Variants in RBM20 observed in about 807,000 individuals in gnomAD.
The protein encoded by RBM20 is RNA binding motif protein 20, also known as RNA-binding protein 20.
Under a neutral mutation model 110.1 loss-of-function variants are expected in RBM20, and 51 were observed. The ratio of observed to expected loss-of-function variants is 0.46; its 90% CI spans 0.37 to 0.59. The LOEUF is 0.59. Ranked by LOEUF, RBM20 falls within the 20% of genes least tolerant of loss-of-function variation. RBM20 has a pLI of 0.00. For missense variants in RBM20, 1,512 were observed against 1,574.9 expected (o/e 0.96, Z 0.68); for synonymous variants, 589 against 618.2 (o/e 0.95, Z 0.70).
chr10:110,800,245 A>G (rs1844605204), intron 7 of RBM20, among the ~76,000 whole-genome samples: 1 of 152,172 alleles, frequency 6.6e-6, no homozygotes, highest in African/African-American at 2.4e-5. Context: ...CTTGAATACA[A>G]CCTTCTCTCC....
At chr10:110,783,859 C>T (rs1234515149) in intron 3 of RBM20, among the ~76,000 whole-genome samples, 2 of 152,356 alleles carry the variant, frequency 1.3e-5, no homozygotes, top group Non-Finnish European at 2.9e-5. Flanking sequence ...ATTTTCATTA[C>T]TCCAAAAGGA....
At chr10:110,688,474 C>T (rs1862538267) in intron 1 of RBM20, among the ~76,000 whole-genome samples, 1 of 152,158 alleles carries the variant, frequency 6.6e-6, no homozygotes, top group Non-Finnish European at 1.5e-5. Context: ...ATTTCGGATT[C>T]ATACCACAAC....
chr10:110,657,610 G>T (rs1486644017), intron 1 of RBM20, among the ~76,000 whole-genome samples: 1 of 152,152 alleles, frequency 6.6e-6, no homozygotes, highest in Admixed American at 6.5e-5. Context: ...GGTTTGCTTA[G>T]CATAATGATT....
rs397516625 is a variant in RBM20 at position 110,781,534 on chromosome 10, G to A, written c.925G>A (p.Gly309Arg). The change falls in exon 2 of 14, where the codon GGG (glycine) becomes AGG (arginine). Residue 309 changes from glycine to arginine, a missense_variant. Physicochemically the swap from Gly to Arg is moderately radical, Grantham distance 125 (BLOSUM62 -2). Coordinates refer to ENST00000369519, the MANE Select transcript of RBM20 (RefSeq NM_001134363.3). ...GGCTGGGGGCCTGAAAAGTGAGGTC[G>A]GGCCACTGCTGCAGGGCACAAACAG... ...EQAGGLKSEV[G>R]PLLQGTNSQW... 52 of 1,551,640 alleles carry A rather than the reference G, an allele frequency of 3.4e-5. No homozygotes were observed. The Admixed American group carries it at 7.1e-4, about 21-fold the overall frequency.
intron 1 of RBM20, among the ~76,000 whole-genome samples, chr10:110,748,460 C>T (rs1319752940): frequency 6.6e-6 from 1 of 152,006 alleles, no homozygotes; most frequent in Non-Finnish European, 1.5e-5. Flanking sequence ...GGGTTTCATG[C>T]CAGGGTGTGT....
upstream of RBM20, among the ~76,000 whole-genome samples, chr10:110,644,134 C>G (rs1220892655): frequency 2.6e-5 from 4 of 152,142 alleles, no homozygotes. The surrounding 1 kb of genome is among the most constrained non-coding windows in gnomAD (Gnocchi z 4.3). Context: ...GCTCCCTCCC[C>G]GCTTCCTGCG....
intron 13 of RBM20, among the ~76,000 whole-genome samples, chr10:110,832,342 A>G (rs1027374525): frequency 6.6e-6 from 1 of 152,204 alleles, no homozygotes; most frequent in Non-Finnish European, 1.5e-5. Flanking sequence ...AGGCATTACT[A>G]TTATCATTAA....
rs559291923 is a variant in RBM20 at position 110,706,372 on chromosome 10, C to T, written c.191+61727C>T. Among the ~76,000 whole-genome samples, 7 of 152,350 alleles carry T rather than the reference C, an allele frequency of 4.6e-5. No individual in the cohort carries two copies. The South Asian group carries it at 1.0e-3, about 23-fold the overall frequency. ...AGAAATGTGAGTTGTCTTCACTTCTCCACCTGGAATGGGCAATATCTGTGT... is the reference window on the plus strand; with the variant it reads ...AGAAATGTGAGTTGTCTTCACTTCTTCACCTGGAATGGGCAATATCTGTGT... On this transcript the variant is annotated intron_variant, in intron 1 of 13. Transcript: ENST00000369519.
At chr10:110,818,304 AAAAC>A (rs1844866559) in intron 9 of RBM20, among the ~76,000 whole-genome samples, 1 of 151,276 alleles carries the variant, frequency 6.6e-6, no homozygotes, top group Non-Finnish European at 1.5e-5. Flanking sequence ...AAAAAAAAAA[AAAAC>A]CAAAACGACA....
chr10:110,797,094 C>T (rs1433513265), intron 5 of RBM20, among the ~76,000 whole-genome samples: 1 of 152,160 alleles, frequency 6.6e-6, no homozygotes, highest in East Asian at 1.9e-4. Flanking sequence ...TGGATATGTG[C>T]ATTTCCTCAT....
chr10:110,769,045 G>C (rs1844149395), intron 1 of RBM20, among the ~76,000 whole-genome samples: 1 of 152,166 alleles, frequency 6.6e-6, no homozygotes, highest in Non-Finnish European at 1.5e-5. Context: ...AGAACAGATT[G>C]ATTCTATTCT....
At chr10:110,686,531 G>A (rs1295803068) in intron 1 of RBM20, among the ~76,000 whole-genome samples, 1 of 151,718 alleles carries the variant, frequency 6.6e-6, no homozygotes, top group East Asian at 1.9e-4. Context: ...AGGCTGAGAC[G>A]GGAAGGTTGC....
At chr10:110,765,707 TG>T (rs1224120620) in intron 1 of RBM20, among the ~76,000 whole-genome samples, 2 of 152,132 alleles carry the variant, frequency 1.3e-5, no homozygotes, top group Non-Finnish European at 2.9e-5. Context: ...TGCTTGCAAG[TG>T]TGTAAAAGCA....
chr10:110,682,177 C>T (rs1024153226), intron 1 of RBM20, among the ~76,000 whole-genome samples: 4 of 152,186 alleles, frequency 2.6e-5, no homozygotes, highest in African/African-American at 9.6e-5. Context: ...CAGGCGTGAG[C>T]CATCACATCT....
chr10:110,653,162 T>C lies in RBM20; in HGVS notation c.191+8517T>C, dbSNP rs550503119. 5.9e-5 allele frequency among the ~76,000 whole-genome samples: 9 copies of C among 152,358 alleles called. No homozygotes were observed. The South Asian group carries it at 1.9e-3, about 32-fold the overall frequency. Reference sequence around the variant, plus strand: ...TGGTTTAAAGATGAACCTTTTGAGATGTAAAAGCATAACTAATATTTAAAG... The same window carrying C: ...TGGTTTAAAGATGAACCTTTTGAGACGTAAAAGCATAACTAATATTTAAAG... On this transcript the variant is annotated intron_variant, in intron 1 of 13. Coordinates refer to ENST00000369519, the MANE Select transcript of RBM20 (RefSeq NM_001134363.3).
chr10:110,784,904 A>G lies in RBM20; in HGVS notation c.1527+15A>G, dbSNP rs749665688. ...TGGGGACAACTGTGAGTACGGAAAC[A>G]TTTTCTCTAGAAATTAATGAAAATG... On this transcript the variant is annotated intron_variant, in intron 5 of 13. Coordinates refer to ENST00000369519, the MANE Select transcript of RBM20 (RefSeq NM_001134363.3). 2.9e-5 allele frequency: 40 copies of G among 1,381,296 alleles called. 1 individual carries two copies. The highest frequency in any genetic ancestry group is 4.0e-6 in the Non-Finnish European group (4 of 1,002,230). 85.6% of individuals were successfully genotyped at this position (1,381,296 alleles called of 1,614,324 possible).
chr10:110,669,200 C>T (rs150086669), intron 1 of RBM20, among the ~76,000 whole-genome samples: 35 of 152,178 alleles, frequency 2.3e-4, no homozygotes, highest in African/African-American at 7.5e-4. Context: ...AATCCACTGA[C>T]GGTGAGCTTG....
intron 1 of RBM20, among the ~76,000 whole-genome samples, chr10:110,702,617 C>T (rs1423648272): frequency 6.6e-6 from 1 of 152,240 alleles, no homozygotes. Flanking sequence ...ATGCTTTCCC[C>T]TGGGTGTTGG....
intron 12 of RBM20, among the ~76,000 whole-genome samples, chr10:110,829,573 C>T (rs1379570289): frequency 3.3e-5 from 5 of 152,214 alleles, no homozygotes; most frequent in Non-Finnish European, 7.3e-5. Context: ...CCATCTCCCT[C>T]CCTCAGAGCT....
Sources: allele counts gnomAD v4.1 joint callset (sites outside exome capture counted in the v4.1 genomes callset), GRCh38; gene constraint gnomAD v4.1.1; non-coding constraint Gnocchi (gnomAD v3.1); transcripts MANE v1.5; gene names NCBI Gene and HGNC (gene_info 2026-07-23, HGNC 2026-07-21).